Variants in NKAIN2 observed in about 807,000 individuals in gnomAD.
NKAIN2 encodes sodium/potassium-transporting ATPase subunit beta-1-interacting protein 2.
NKAIN2 carries 14 observed loss-of-function variants against 32.6 expected under a neutral mutation model. That is an observed-to-expected ratio of 0.43 (90% CI 0.28 to 0.67). The LOEUF (loss-of-function observed/expected upper bound fraction) is 0.67, where lower values mean the gene tolerates loss of function less well. Among genes scored for constraint, NKAIN2 ranks in the 30% least tolerant of loss-of-function variants. NKAIN2 has a pLI of 0.17. For synonymous variants in NKAIN2, 80 were observed against 87.2 expected, an observed-to-expected ratio of 0.92 and a Z score of 0.46; for missense variants, 198 against 258.3, an observed-to-expected ratio of 0.77 and a Z score of 1.60.
At chr6:124,260,743 A>G (rs76123026) in intron 1 of NKAIN2, among the ~76,000 whole-genome samples, 2,330 of 151,614 alleles carry the variant, frequency 0.015, 61 homozygotes, top group African/African-American at 0.054. Context: ...TTATCCTGTA[A>G]ATAGATTGCA....
intron 1 of NKAIN2, among the ~76,000 whole-genome samples, chr6:123,963,251 G>T (rs1360439076): frequency 2.0e-5 from 3 of 152,008 alleles, no homozygotes; most frequent in Non-Finnish European, 4.4e-5. Context: ...TAATGTTTTT[G>T]GAGTGATGAA....
At chr6:124,487,058 A>T (rs897788573) in intron 3 of NKAIN2, among the ~76,000 whole-genome samples, 1 of 152,132 alleles carries the variant, frequency 6.6e-6, no homozygotes, top group Non-Finnish European at 1.5e-5. Context: ...CTGGGAAGTT[A>T]AGGATGTTAA....
chr6:124,541,228 C>T (rs1239017765), intron 3 of NKAIN2, among the ~76,000 whole-genome samples: 2 of 152,076 alleles, frequency 1.3e-5, no homozygotes, highest in African/African-American at 4.8e-5. Flanking sequence ...TAAAAATCTC[C>T]CCAGTGGGGA....
intron 1 of NKAIN2, among the ~76,000 whole-genome samples, chr6:124,006,238 C>T (rs1780069734): frequency 6.6e-6 from 1 of 152,070 alleles, no homozygotes; most frequent in Non-Finnish European, 1.5e-5. Flanking sequence ...TAAGGAAAAG[C>T]AACAAGAGCA....
In NKAIN2 at chr6:124,022,464, T is replaced by A. The variant is rs1371076553; in HGVS notation, c.54+218210T>A. Among the ~76,000 whole-genome samples the A allele has an allele frequency of 3.3e-5, 5 of 152,116 alleles. No individual in the cohort carries two copies. The South Asian group carries it at 6.2e-4, about 19-fold the overall frequency. ...TTCTAGTTCTAGATCCTTGAGGAAT[T>A]GCCACACTGTCTTCCACAATGGTTG... On this transcript the variant is annotated intron_variant, in intron 1 of 6. Coordinates refer to ENST00000368417, the MANE Select transcript of NKAIN2 (RefSeq NM_001040214.3).
At chr6:124,148,384 C>T (rs560719590) in intron 1 of NKAIN2, among the ~76,000 whole-genome samples, 2 of 152,212 alleles carry the variant, frequency 1.3e-5, no homozygotes, top group East Asian at 1.9e-4. Context: ...GAAACTCCAT[C>T]TCCATTAACA....
chr6:124,598,775 C>A (rs1782194958), intron 3 of NKAIN2, among the ~76,000 whole-genome samples: 1 of 151,754 alleles, frequency 6.6e-6, no homozygotes, highest in South Asian at 2.1e-4. Context: ...TGATTATTAA[C>A]AAAGCCATGG....
chr6:123,912,783 C>A (rs1334736590), intron 1 of NKAIN2, among the ~76,000 whole-genome samples: 4 of 152,152 alleles, frequency 2.6e-5, no homozygotes, highest in Non-Finnish European at 4.4e-5. Context: ...CCAAATAAAT[C>A]CCTTTTTTAA....
At chr6:124,798,892 C>T (rs1476354969) in intron 5 of NKAIN2, among the ~76,000 whole-genome samples, 1 of 152,112 alleles carries the variant, frequency 6.6e-6, no homozygotes, top group Non-Finnish European at 1.5e-5. Flanking sequence ...GTCTTGTTCC[C>T]TGCTGTATCC....
At chr6:124,467,356 A>G (rs940543001) in intron 3 of NKAIN2, among the ~76,000 whole-genome samples, 3 of 152,162 alleles carry the variant, frequency 2.0e-5, no homozygotes, top group Non-Finnish European at 2.9e-5. Context: ...CACATGATAT[A>G]GGACTACAAA....
At chr6:124,028,403 A>AG (rs1321612420) in intron 1 of NKAIN2, among the ~76,000 whole-genome samples, 3 of 71,732 alleles carry the variant, frequency 4.2e-5, no homozygotes, top group East Asian at 4.7e-4. Context: ...AGGTGGGGGG[A>AG]GGGGGGAGGG....
At chr6:123,859,593 C>G (rs1775699283) in intron 1 of NKAIN2, among the ~76,000 whole-genome samples, 1 of 152,196 alleles carries the variant, frequency 6.6e-6, no homozygotes, top group African/African-American at 2.4e-5. Flanking sequence ...AGCATGTGGT[C>G]CATCCATTGG....
chr6:124,216,672 G>A (rs1791493761), intron 1 of NKAIN2, among the ~76,000 whole-genome samples: 1 of 152,096 alleles, frequency 6.6e-6, no homozygotes, highest in Non-Finnish European at 1.5e-5. Flanking sequence ...AGAAAATGTG[G>A]GCACTAAATA....
intron 1 of NKAIN2, among the ~76,000 whole-genome samples, chr6:124,203,239 C>T (rs1380766348): frequency 6.6e-6 from 1 of 151,730 alleles, no homozygotes; most frequent in Non-Finnish European, 1.5e-5. Flanking sequence ...TCATTCTAGT[C>T]CTTCCACCCA....
intron 1 of NKAIN2, among the ~76,000 whole-genome samples, chr6:123,817,637 C>T (rs1773749020): frequency 6.6e-6 from 1 of 152,158 alleles, no homozygotes; most frequent in Admixed American, 6.5e-5. Context: ...TCCTCCATCC[C>T]TTTGACCTAT....
At chr6:123,969,591 T>G (rs547226508) in intron 1 of NKAIN2, among the ~76,000 whole-genome samples, 1 of 152,230 alleles carries the variant, frequency 6.6e-6, no homozygotes, top group East Asian at 1.9e-4. Flanking sequence ...CTGCCAGAGC[T>G]TCAAATAGCA....
chr6:123,991,495 C>A (rs996421910), intron 1 of NKAIN2, among the ~76,000 whole-genome samples: 1 of 152,004 alleles, frequency 6.6e-6, no homozygotes, highest in South Asian at 2.1e-4. Context: ...AAAGCAACAG[C>A]AAGAGTCTGT....
intron 5 of NKAIN2, among the ~76,000 whole-genome samples, chr6:124,803,251 T>C (rs1272099454): frequency 6.6e-6 from 1 of 152,240 alleles, no homozygotes; most frequent in Non-Finnish European, 1.5e-5. Context: ...GACAAATCTC[T>C]GTACAGGCAA....
chr6:124,217,704 T>C (rs1039314979), intron 1 of NKAIN2, among the ~76,000 whole-genome samples: 2 of 152,152 alleles, frequency 1.3e-5, no homozygotes, highest in African/African-American at 4.8e-5. Flanking sequence ...CTGAATTTAG[T>C]CTTCCATTTT....
Sources: gnomAD v4.1 joint callset for allele counts (sites outside exome capture counted in the v4.1 genomes callset) on GRCh38, gnomAD v4.1.1 for gene constraint, MANE v1.5 for transcripts, NCBI Gene and HGNC (gene_info 2026-07-23, HGNC 2026-07-21) for gene names.